Variants in PABPC4L observed in about 807,000 individuals in gnomAD.
The protein encoded by PABPC4L is polyadenylate-binding protein 4-like.
For synonymous variants in PABPC4L, 169 were observed against 164.1 expected, an observed-to-expected ratio of 1.03 and a Z score of -0.23; for missense variants, 452 against 451.4, an observed-to-expected ratio of 1.00 and a Z score of -0.01.
chr4:134,042,695 G>A, the PABPC4L span, among the ~76,000 whole-genome samples: 6 of 152,184 alleles, frequency 3.9e-5, no homozygotes, highest in East Asian at 1.2e-3. Context: ...CAGCAGAATA[G>A]AAATTTTAAT....
chr4:134,044,342 C>A, the PABPC4L span, among the ~76,000 whole-genome samples: 7 of 152,266 alleles, frequency 4.6e-5, no homozygotes, highest in African/African-American at 7.2e-5. Context: ...CGGCTCACTG[C>A]AAGCTCAGCC....
chr4:133,998,254 T>C, the PABPC4L span, among the ~76,000 whole-genome samples: 1 of 152,076 alleles, frequency 6.6e-6, no homozygotes, highest in Admixed American at 6.5e-5. Flanking sequence ...CAGAATATGA[T>C]ATATTTAGTT....
the PABPC4L span, among the ~76,000 whole-genome samples, chr4:134,005,272 C>G: frequency 6.6e-6 from 1 of 151,752 alleles, no homozygotes; most frequent in African/African-American, 2.4e-5. Flanking sequence ...TTGTGTGACT[C>G]TAACCTAGTG....
At chr4:133,992,039 C>G in the PABPC4L span, among the ~76,000 whole-genome samples, 4 of 152,138 alleles carry the variant, frequency 2.6e-5, no homozygotes, top group Non-Finnish European at 5.9e-5. Context: ...AAGGGAGGTG[C>G]TAAGATGTCC....
the PABPC4L span, among the ~76,000 whole-genome samples, chr4:134,163,134 GAAGATTCAAAT>G: frequency 6.6e-6 from 1 of 152,060 alleles, no homozygotes; most frequent in East Asian, 1.9e-4. Flanking sequence ...CAGGAAGAGA[GAAGATTCAAAT>G]AAGCTCAATT....
At chr4:134,019,914 G>A in the PABPC4L span, among the ~76,000 whole-genome samples, 1 of 152,078 alleles carries the variant, frequency 6.6e-6, no homozygotes, top group African/African-American at 2.4e-5. Context: ...GAAAATAAAT[G>A]TTTGACTTAG....
the PABPC4L span, among the ~76,000 whole-genome samples, chr4:134,067,715 ATATGT>A: frequency 2.0e-5 from 3 of 151,990 alleles, no homozygotes; most frequent in African/African-American, 7.2e-5. Context: ...AGAGATTCTG[ATATGT>A]TATATCTTAG....
chr4:134,170,461 T>A, the PABPC4L span, among the ~76,000 whole-genome samples: 1 of 151,930 alleles, frequency 6.6e-6, no homozygotes, highest in Non-Finnish European at 1.5e-5. Flanking sequence ...AGAAAATAGG[T>A]TTAATTGCCT....
the PABPC4L span, among the ~76,000 whole-genome samples, chr4:134,161,476 G>T: frequency 6.6e-6 from 1 of 152,098 alleles, no homozygotes; most frequent in East Asian, 1.9e-4. Flanking sequence ...ACATCTGGAA[G>T]CAGACTTCTC....
chr4:134,073,252 T>C, the PABPC4L span, among the ~76,000 whole-genome samples: 2 of 152,154 alleles, frequency 1.3e-5, no homozygotes, highest in Non-Finnish European at 1.5e-5. Context: ...ATACACCTGT[T>C]CCAAATGGGA....
the PABPC4L span, among the ~76,000 whole-genome samples, chr4:134,092,208 C>T: frequency 2.6e-5 from 4 of 152,028 alleles, no homozygotes; most frequent in East Asian, 7.8e-4. Context: ...CCCAATGTTG[C>T]TTTTTCCAAA....
At chr4:134,020,830 A>G in the PABPC4L span, among the ~76,000 whole-genome samples, 1 of 152,146 alleles carries the variant, frequency 6.6e-6, no homozygotes, top group Non-Finnish European at 1.5e-5. Context: ...GTATGGGTAT[A>G]TAATCTCATA....
the PABPC4L span, among the ~76,000 whole-genome samples, chr4:133,992,591 A>G: frequency 1.3e-5 from 2 of 152,122 alleles, no homozygotes; most frequent in African/African-American, 4.8e-5. Context: ...CCAAGCAGTT[A>G]TATTATTAGA....
chr4:134,040,217 A>C, the PABPC4L span, among the ~76,000 whole-genome samples: 1 of 151,844 alleles, frequency 6.6e-6, no homozygotes, highest in African/African-American at 2.4e-5. Context: ...AAAAAAAAAA[A>C]AAAAACTACT....
the PABPC4L span, among the ~76,000 whole-genome samples, chr4:134,003,842 G>C: frequency 6.6e-6 from 1 of 151,888 alleles, no homozygotes; most frequent in Non-Finnish European, 1.5e-5. Context: ...TTGAAAAATA[G>C]GAGATTTGAG....
the PABPC4L span, among the ~76,000 whole-genome samples, chr4:133,963,916 C>T: frequency 6.6e-6 from 1 of 151,836 alleles, no homozygotes; most frequent in Non-Finnish European, 1.5e-5. Context: ...CCTCAAGGAA[C>T]TAGAGAAACA....
the PABPC4L span, among the ~76,000 whole-genome samples, chr4:134,125,389 G>T: frequency 1.3e-5 from 2 of 151,748 alleles, no homozygotes; most frequent in Non-Finnish European, 2.9e-5. Flanking sequence ...GTATACATGT[G>T]CCATGCTGTT....
At chr4:133,973,104 T>C in the PABPC4L span, among the ~76,000 whole-genome samples, 10 of 152,296 alleles carry the variant, frequency 6.6e-5, no homozygotes, top group South Asian at 1.7e-3. Flanking sequence ...AGTTTACTGC[T>C]AAATATATAT....
At chr4:134,099,133 G>A in the PABPC4L span, among the ~76,000 whole-genome samples, 2 of 151,664 alleles carry the variant, frequency 1.3e-5, no homozygotes, top group Non-Finnish European at 3.0e-5. Flanking sequence ...TCAAATGGGA[G>A]TTAATAAGAG....
Sources: gnomAD v4.1 joint callset for allele counts (sites outside exome capture counted in the v4.1 genomes callset) on GRCh38, gnomAD v4.1.1 for gene constraint, MANE v1.5 for transcripts, NCBI Gene and HGNC (gene_info 2026-07-23, HGNC 2026-07-21) for gene names.